Variants in GNAQ observed in about 807,000 individuals in gnomAD.
The protein encoded by GNAQ is G protein subunit alpha q.
In GNAQ, 8 loss-of-function variants were observed where a neutral mutation model predicts 43.9. That is an observed-to-expected ratio of 0.18 (90% CI 0.11 to 0.33). The LOEUF (loss-of-function observed/expected upper bound fraction) is 0.33, where lower values mean the gene tolerates loss of function less well. GNAQ is among the 10% of genes least tolerant of loss of function. The probability of loss-of-function intolerance (pLI) is 1.00; values close to 1 mark genes in which losing one functional copy is unlikely to be tolerated. For synonymous variants in GNAQ, 155 were observed against 170.7 expected (o/e 0.91, Z 0.71); for missense variants, 158 against 450.8 (o/e 0.35, Z 5.88).
intron 1 of GNAQ, among the ~76,000 whole-genome samples, chr9:78,006,621 G>C (rs554841789): frequency 6.6e-6 from 1 of 152,260 alleles, no homozygotes; most frequent in Admixed American, 6.5e-5. Context: ...CATGCTTTCA[G>C]AAACAATGCT....
At chr9:77,851,215 GA>G (rs1827672014) in intron 2 of GNAQ, among the ~76,000 whole-genome samples, 2 of 152,110 alleles carry the variant, frequency 1.3e-5, no homozygotes, top group Non-Finnish European at 2.9e-5. Context: ...CACAAAATCG[GA>G]AAGAAAAAGA....
At chr9:77,792,574 C>T (rs188626313) in intron 5 of GNAQ, among the ~76,000 whole-genome samples, 34 of 152,202 alleles carry the variant, frequency 2.2e-4, no homozygotes, top group Non-Finnish European at 4.3e-4. Context: ...AGATTCAATT[C>T]GGTTGAACTG....
chr9:77,810,012 T>C (rs1255899168), intron 3 of GNAQ, among the ~76,000 whole-genome samples: 2 of 152,198 alleles, frequency 1.3e-5, no homozygotes, highest in Non-Finnish European at 2.9e-5. Context: ...ACCTATTGGG[T>C]TTGTTTTCCA....
At chr9:77,750,222 C>T (rs1161569052) in intron 5 of GNAQ, among the ~76,000 whole-genome samples, 1 of 151,950 alleles carries the variant, frequency 6.6e-6, no homozygotes, top group Non-Finnish European at 1.5e-5. Flanking sequence ...TCTACCAATA[C>T]CAAAAGATTT....
At chr9:77,813,913 G>T (rs1020447729) in intron 3 of GNAQ, among the ~76,000 whole-genome samples, 1 of 152,128 alleles carries the variant, frequency 6.6e-6, no homozygotes, top group Non-Finnish European at 1.5e-5. Context: ...TGGAGGATGA[G>T]TTAGTTTTAA....
At chr9:77,775,690 G>A (rs1251041236) in intron 5 of GNAQ, among the ~76,000 whole-genome samples, 3 of 151,782 alleles carry the variant, frequency 2.0e-5, no homozygotes, top group East Asian at 3.9e-4. Flanking sequence ...GAGCCACCAC[G>A]CCCAGCCTCC....
chr9:77,980,535 G>C (rs1047241420), intron 1 of GNAQ, among the ~76,000 whole-genome samples: 2 of 152,028 alleles, frequency 1.3e-5, no homozygotes, highest in Admixed American at 6.6e-5. Context: ...TTAAAAAATA[G>C]CCCCTTTTAT....
chr9:77,945,323 T>C (rs1471907741), intron 1 of GNAQ, among the ~76,000 whole-genome samples: 1 of 151,964 alleles, frequency 6.6e-6, no homozygotes, highest in Non-Finnish European at 1.5e-5. Flanking sequence ...ACTCAAAAAG[T>C]AAGAAAATAA....
intron 2 of GNAQ, among the ~76,000 whole-genome samples, chr9:77,858,764 T>C (rs1277412047): frequency 2.0e-5 from 3 of 152,062 alleles, no homozygotes; most frequent in East Asian, 3.9e-4. Context: ...TACTTCTCCA[T>C]ATTAGCCCAC....
intron 3 of GNAQ, among the ~76,000 whole-genome samples, chr9:77,811,637 ACT>A (rs1826928542): frequency 1.3e-5 from 2 of 152,130 alleles, no homozygotes; most frequent in African/African-American, 4.8e-5. Context: ...CAAATGAGTG[ACT>A]CTATGATGCC....
At chr9:77,836,285 C>T (rs1412998196) in intron 2 of GNAQ, among the ~76,000 whole-genome samples, 2 of 152,106 alleles carry the variant, frequency 1.3e-5, no homozygotes, top group Admixed American at 6.5e-5. Context: ...ACCCAATATC[C>T]TTTCAGGTAT....
chr9:77,931,559 C>G (rs539486620), intron 1 of GNAQ, among the ~76,000 whole-genome samples: 3 of 152,044 alleles, frequency 2.0e-5, no homozygotes, highest in East Asian at 3.9e-4. Flanking sequence ...CCACTGCACT[C>G]CAGCCTGGGT....
intron 1 of GNAQ, among the ~76,000 whole-genome samples, chr9:77,925,942 T>C (rs904047361): frequency 8.5e-5 from 13 of 152,336 alleles, no homozygotes; most frequent in Admixed American, 2.6e-4. Context: ...TTATAATACC[T>C]AATACAATGT....
intron 5 of GNAQ, among the ~76,000 whole-genome samples, chr9:77,763,291 C>T (rs75318516): frequency 0.04 from 6,134 of 152,198 alleles, 403 homozygotes; most frequent in African/African-American, 0.13. Flanking sequence ...ATTTTAACAT[C>T]GCTTTGCCTT....
chr9:77,984,371 G>A (rs1823407952), intron 1 of GNAQ, among the ~76,000 whole-genome samples: 1 of 151,950 alleles, frequency 6.6e-6, no homozygotes. Flanking sequence ...GTCTTGCCAT[G>A]TTGCCCAGGC....
At chr9:77,731,802 G>C (rs1564093774) in intron 5 of GNAQ, among the ~76,000 whole-genome samples, 1 of 152,216 alleles carries the variant, frequency 6.6e-6, no homozygotes, top group African/African-American at 2.4e-5. Flanking sequence ...AGGACAACAA[G>C]GGAGGTGATG....
intron 2 of GNAQ, among the ~76,000 whole-genome samples, chr9:77,910,859 A>C (rs1828789975): frequency 6.6e-6 from 1 of 152,190 alleles, no homozygotes; most frequent in Admixed American, 6.5e-5. Context: ...TAATTTGCTT[A>C]ACACCACACA....
intron 3 of GNAQ, among the ~76,000 whole-genome samples, chr9:77,809,358 C>A (rs145934309): frequency 6.6e-6 from 1 of 152,306 alleles, no homozygotes; most frequent in South Asian, 2.1e-4. Context: ...TCTCACTATA[C>A]GCCAATGTGA....
intron 1 of GNAQ, among the ~76,000 whole-genome samples, chr9:78,013,974 C>A (rs1363608289): frequency 1.3e-5 from 2 of 152,204 alleles, no homozygotes; most frequent in East Asian, 3.9e-4. Context: ...CCCTCCCATG[C>A]AGGGGAGGGA....
Sources: gnomAD v4.1 joint callset for allele counts (sites outside exome capture counted in the v4.1 genomes callset) on GRCh38, gnomAD v4.1.1 for gene constraint, MANE v1.5 for transcripts, NCBI Gene and HGNC (gene_info 2026-07-23, HGNC 2026-07-21) for gene names.